NNT: variants seen among roughly 807,000 people sequenced by gnomAD.
The protein encoded by NNT is NAD(P) transhydrogenase, mitochondrial.
NNT carries 50 observed loss-of-function variants against 104.8 expected under a neutral mutation model. The ratio of observed to expected loss-of-function variants is 0.48; its 90% CI spans 0.38 to 0.60. The LOEUF (loss-of-function observed/expected upper bound fraction) is 0.60, where lower values mean the gene tolerates loss of function less well. NNT is among the 20% of genes least tolerant of loss of function. The pLI is 0.00. For missense variants in NNT, 1,131 were observed against 1,330.7 expected, an observed-to-expected ratio of 0.85 and a Z score of 2.33; for synonymous variants, 461 against 490.4, an observed-to-expected ratio of 0.94 and a Z score of 0.79.
chr5:43,630,545 G>A (rs1750620803), intron 7 of NNT, among the ~76,000 whole-genome samples: 1 of 152,162 alleles, frequency 6.6e-6, no homozygotes, highest in Non-Finnish European at 1.5e-5. Context: ...CCTTTGACAT[G>A]TTTTCAGCCA....
Position 43,675,491 on chromosome 5 carries a change from C to G in NNT, c.2635-20C>G. ...AGTTATGTGTGTTAAACTCTCACAG[C>G]TGATAATTTGGCTTTCTAGGCAATG... On this transcript the variant is annotated intron_variant, in intron 17 of 21. Coordinates refer to ENST00000344920, the MANE Select transcript of NNT (RefSeq NM_182977.3). The G allele has an allele frequency of 6.2e-7, 1 of 1,601,818 alleles. No homozygotes were observed. Among genetic ancestry groups the G allele is most frequent in the Non-Finnish European group, 8.5e-7 (1 of 1,174,772 alleles).
chr5:43,650,573 C>G lies in NNT; in HGVS notation c.1703C>G (p.Ser568Cys). The change falls in exon 12 of 22, where the codon TCT (serine) becomes TGT (cysteine). Residue 568 changes from serine to cysteine, a missense_variant. Transcript: ENST00000344920. The stretch of plus-strand genomic sequence containing the variant: ...GCTGCTCTTGCTGCATTCATATCCT[C>G]TGTCAACATTGCAGGTATGATGTCA... ...GLAALAAFIS[S>C]VNIAGGFLVT... 6.2e-7 allele frequency: 1 copy of G among 1,613,234 alleles called. No homozygotes were observed. The highest frequency in any genetic ancestry group is 8.5e-7 in the Non-Finnish European group (1 of 1,179,180).
intron 19 of NNT, among the ~76,000 whole-genome samples, chr5:43,682,395 G>A (rs927408478): frequency 6.6e-6 from 1 of 151,944 alleles, no homozygotes; most frequent in Admixed American, 6.6e-5. Context: ...ATTTTTAGTG[G>A]AAATGGGATT....
intron 5 of NNT, among the ~76,000 whole-genome samples, chr5:43,622,865 GTTT>G (rs36088911): frequency 7.2e-6 from 1 of 138,526 alleles, no homozygotes. Flanking sequence ...TTAAATTATG[GTTT>G]TTTTTTTTTT....
chr5:43,627,439 C>T (rs1356617760), intron 6 of NNT, among the ~76,000 whole-genome samples: 1 of 152,044 alleles, frequency 6.6e-6, no homozygotes, highest in Non-Finnish European at 1.5e-5. Flanking sequence ...GGGAAGGGGC[C>T]TGGGAATTTG....
At chr5:43,620,800 G>A (rs1392798670) in intron 5 of NNT, among the ~76,000 whole-genome samples, 2 of 152,190 alleles carry the variant, frequency 1.3e-5, no homozygotes, top group African/African-American at 4.8e-5. Context: ...GTGGCCAGAA[G>A]TTCGATGCTG....
intron 7 of NNT, among the ~76,000 whole-genome samples, chr5:43,634,297 T>A (rs964859987): frequency 6.6e-6 from 1 of 152,194 alleles, no homozygotes; most frequent in African/African-American, 2.4e-5. Flanking sequence ...AGTGGAAATA[T>A]AGCGCAAAAG....
Position 43,645,405 on chromosome 5 carries a change from G to T in NNT, c.1339G>T (p.Gly447Cys). The T allele has an allele frequency of 5.1e-6, 8 of 1,567,894 alleles. No homozygotes were observed. The highest frequency in any genetic ancestry group is 1.8e-5 in the Admixed American group (1 of 55,330). ...TCCCACACCGAAAAATATTCCTCAAGGTGCCCCAGTAAAACAGAAGACAGT... is the reference window on the plus strand; with the variant it reads ...TCCCACACCGAAAAATATTCCTCAATGTGCCCCAGTAAAACAGAAGACAGT... ...PAPTPKNIPQGAPVKQKTVAE... is the reference protein window; with the variant it reads ...PAPTPKNIPQCAPVKQKTVAE... The change falls in exon 10 of 22, where the codon GGT (glycine) becomes TGT (cysteine). Residue 447 changes from glycine to cysteine, a missense_variant. Gly to Cys is a radical substitution (Grantham distance 159, BLOSUM62 -3). Transcript: ENST00000344920.
Position 43,706,090 on chromosome 5 carries a change from A to G in NNT, c.*1686A>G, listed in dbSNP as rs1743088560. On this transcript the variant is annotated 3_prime_UTR_variant, in exon 22 of 22. Coordinates refer to ENST00000344920, the MANE Select transcript of NNT (RefSeq NM_182977.3). Reference sequence around the variant, plus strand: ...TGTCATAGTAAAAATTTTAATTTATATATATTTTTATTTAGTATTATCTTA... The same window carrying G: ...TGTCATAGTAAAAATTTTAATTTATGTATATTTTTATTTAGTATTATCTTA... The G allele has an allele frequency of 6.6e-6, 1 of 151,474 alleles. No individual in the cohort carries two copies. Among genetic ancestry groups the G allele is most frequent in the Admixed American group, 6.6e-5 (1 of 15,220 alleles). 9.4% of individuals were successfully genotyped at this position (151,474 alleles called of 1,614,324 possible). A position where few individuals can be genotyped will look rare whatever the true frequency, so the allele number is the denominator to read the frequency against.
intron 2 of NNT, 120 bp from the exon 3 acceptor site, chr5:43,612,788 C>T (rs1354767087): frequency 1.5e-6 from 1 of 653,824 alleles, no homozygotes; most frequent in Non-Finnish European, 2.7e-6. Flanking sequence ...CAGCAGCTTG[C>T]ATGTGTGGTA....
chr5:43,691,773 C>T (rs1457472380), intron 19 of NNT, among the ~76,000 whole-genome samples: 1 of 152,104 alleles, frequency 6.6e-6, no homozygotes, highest in African/African-American at 2.4e-5. Flanking sequence ...AAATGATTTT[C>T]TTCCATTATT....
At chr5:43,632,229 C>A (rs1342039623) in intron 7 of NNT, among the ~76,000 whole-genome samples, 1 of 152,034 alleles carries the variant, frequency 6.6e-6, no homozygotes, top group Non-Finnish European at 1.5e-5. Context: ...CTTGAATGAC[C>A]CTCAGAGCAG....
intron 19 of NNT, among the ~76,000 whole-genome samples, chr5:43,688,505 C>T (rs1742097758): frequency 6.6e-6 from 1 of 152,016 alleles, no homozygotes; most frequent in Admixed American, 6.6e-5. Flanking sequence ...TTTTGGTGCA[C>T]CCATCACCCA....
rs150523419 is a variant in NNT at position 43,666,913 on chromosome 5, C to T, written c.2634+7563C>T. ...CCCCTTGGCAATACAGGCACAAACA[C>T]GCTTCCCAAGCTTGGGGTGGGCAAT... On this transcript the variant is annotated intron_variant, in intron 17 of 21. Transcript: ENST00000344920. 1.8e-4 allele frequency: 278 copies of T among 1,577,072 alleles called. No individual in the cohort carries two copies. The East Asian group carries it at 3.2e-3, about 18-fold the overall frequency.
chr5:43,644,705 C>T lies in NNT; in HGVS notation c.1193C>T (p.Ala398Val), dbSNP rs1751408593. Residue 398 changes from alanine to valine, a missense_variant, in exon 9 of 22, where the codon GCC (alanine) becomes GTC (valine). Coordinates refer to ENST00000344920, the MANE Select transcript of NNT (RefSeq NM_182977.3). ...AACAACATCACCAAACTCCTGAAGG[C>T]CATCAGCCCGGACAAAGATAATTTT... ...YSNNITKLLK[A>V]ISPDKDNFYF... 2.5e-6 allele frequency: 4 copies of T among 1,614,136 alleles called. No homozygotes were observed. The highest frequency in any genetic ancestry group is 3.4e-6 in the Non-Finnish European group (4 of 1,180,002).
intron 19 of NNT, among the ~76,000 whole-genome samples, chr5:43,681,199 G>T (rs1207898794): frequency 6.8e-6 from 1 of 145,992 alleles, no homozygotes; most frequent in African/African-American, 2.6e-5. Flanking sequence ...GGTGGAGCTC[G>T]CAGTGAGCCA....
intron 19 of NNT, among the ~76,000 whole-genome samples, chr5:43,689,029 C>G (rs948700734): frequency 2.6e-5 from 4 of 152,128 alleles, no homozygotes; most frequent in African/African-American, 9.7e-5. Flanking sequence ...AAAATGTTTC[C>G]TTTTCACTAC....
intron 18 of NNT, 22 bp from the exon 19 acceptor site, chr5:43,677,703 G>T (rs1741492232): frequency 6.2e-7 from 1 of 1,600,660 alleles, no homozygotes. Context: ...ACATTCTTCT[G>T]TGTTCTTAAT....
At chr5:43,643,456 A>G (rs1255042909) in intron 7 of NNT, among the ~76,000 whole-genome samples, 1 of 152,180 alleles carries the variant, frequency 6.6e-6, no homozygotes, top group Non-Finnish European at 1.5e-5. Flanking sequence ...CTATTAAATG[A>G]GGAGAATGCA....
Sources: gnomAD v4.1 joint callset for allele counts (sites outside exome capture counted in the v4.1 genomes callset) on GRCh38, gnomAD v4.1.1 for gene constraint, MANE v1.5 for transcripts, NCBI Gene and HGNC (gene_info 2026-07-23, HGNC 2026-07-21) for gene names.